MYH1: variants seen among roughly 807,000 people sequenced by gnomAD.
MYH1 encodes the protein myosin heavy chain 1, also known as myosin-1.
A neutral mutation model predicts 225.6 loss-of-function variants in MYH1; 214 were observed. The ratio of observed to expected loss-of-function variants is 0.95; its 90% CI spans 0.85 to 1.06. The LOEUF (loss-of-function observed/expected upper bound fraction) is 1.06. Among genes scored for constraint, MYH1 ranks in the 50% least tolerant of loss-of-function variants. The pLI is 0.00. For missense variants in MYH1, 2,098 were observed against 2,344.2 expected (o/e 0.89, Z 2.17); for synonymous variants, 774 against 842.3 (o/e 0.92, Z 1.40).
intron 27 of MYH1, 41 bp from the exon 28 acceptor site, chr17:10,500,793 T>G (rs2073046085): frequency 8.7e-6 from 14 of 1,613,330 alleles, no homozygotes; most frequent in Non-Finnish European, 1.1e-5. Context: ...AAGTAAGTAG[T>G]TGGACCAAAG....
intron 3 of MYH1, 39 bp from the exon 4 acceptor site, chr17:10,516,381 G>A (rs1326409506): frequency 6.2e-7 from 1 of 1,614,110 alleles, no homozygotes. Flanking sequence ...CAAAAAGTAA[G>A]TGCTAACTTA....
intron 38 of MYH1, 23 bp downstream of exon 38, chr17:10,494,545 AC>A: frequency 6.2e-7 from 1 of 1,613,008 alleles, no homozygotes; most frequent in Non-Finnish European, 8.5e-7. Flanking sequence ...TAAAGTGAAA[AC>A]CTAGACAGGC....
chr17:10,512,521 G>T lies in MYH1; in HGVS notation c.1034C>A (p.Thr345Asn). The T allele has an allele frequency of 6.2e-7, 1 of 1,614,104 alleles. No homozygotes were observed. Among genetic ancestry groups the T allele is most frequent in the Non-Finnish European group, 8.5e-7 (1 of 1,179,994 alleles). ...ATAGATGGACACTCTTTCATCTGAA[G>T]TAAAGCCCAGAATTTCAATGGCACT... ...TDSAIEILGF[T>N]SDERVSIYKL... Residue 345 changes from threonine (T) to asparagine (N), a missense_variant, in exon 12 of 40, where the codon ACT becomes AAT. Physicochemically the swap from Thr to Asn is moderately conservative, Grantham distance 65. Transcript: ENST00000226207.
rs2073180729 is a variant in MYH1, at chr17:10,512,470, T to C, written c.1085A>G (p.Tyr362Cys). The C allele has an allele frequency of 6.2e-7, 1 of 1,614,006 alleles. No homozygotes were observed. The highest frequency in any genetic ancestry group is 1.1e-5 in the South Asian group (1 of 91,090). ...CTTTTGCTTGAATTTCATGTTCCCA[T>C]AATGCATCACAGCCCCTGTGAGCTT... ...IYKLTGAVMH[Y>C]GNMKFKQKQR... Residue 362 changes from tyrosine (Y) to cysteine (C), a missense_variant, in exon 12 of 40, where the codon TAT (tyrosine) becomes TGT (cysteine). Coordinates refer to ENST00000226207, the MANE Select transcript of MYH1 (RefSeq NM_005963.4).
In MYH1 at chr17:10,513,947, C is replaced by T. The variant is rs770409819; in HGVS notation, c.649-34G>A. ...GCAAGAGCAGTCCTTGCATCTGGGGCTTGGGAATTTCCTACCTGAGAGTCC... is the reference window on the plus strand; with the variant it reads ...GCAAGAGCAGTCCTTGCATCTGGGGTTTGGGAATTTCCTACCTGAGAGTCC... On this transcript the variant is annotated intron_variant, in intron 7 of 39. Coordinates refer to ENST00000226207, the MANE Select transcript of MYH1 (RefSeq NM_005963.4). The T allele has an allele frequency of 7.4e-5, 120 of 1,613,702 alleles. No homozygotes were observed. The East Asian group carries it at 2.3e-3, about 31-fold the overall frequency.
At chr17:10,495,804 A>AGAATATAGAT (rs2072985885) in intron 35 of MYH1, 146 bp downstream of exon 35, 4 of 791,448 alleles carry the variant, frequency 5.1e-6, no homozygotes, top group Non-Finnish European at 7.5e-6. Context: ...AGTTCAGATA[A>AGAATATAGAT]GAATATAGAT....
intron 25 of MYH1, 38 bp from the exon 26 acceptor site, chr17:10,501,722 TAA>T (rs1418458380): frequency 1.2e-6 from 2 of 1,613,910 alleles, no homozygotes; most frequent in Non-Finnish European, 1.7e-6. Context: ...TCAGAAATAT[TAA>T]GAGTAATTTC....
chr17:10,517,678 T>C (rs1389104417), intron 2 of MYH1, among the ~76,000 whole-genome samples: 1 of 152,106 alleles, frequency 6.6e-6, no homozygotes. Context: ...ATGCTGACAA[T>C]CATGTTTCGT....
At chr17:10,514,760 T>C in intron 6 of MYH1, 108 bp downstream of exon 6, 1 of 945,646 alleles carries the variant, frequency 1.1e-6, no homozygotes. Flanking sequence ...TAGTTCCAGG[T>C]TGATCATTCA....
intron 16 of MYH1, 112 bp from the exon 17 acceptor site, chr17:10,508,068 G>C: frequency 1.1e-6 from 1 of 889,016 alleles, no homozygotes; most frequent in Non-Finnish European, 1.8e-6. Flanking sequence ...GCCCAGGCTG[G>C]AGTGCAGTGG....
At chr17:10,514,249 G>A (rs1597443785) in intron 6 of MYH1, 125 bp from the exon 7 acceptor site, 15 of 1,127,588 alleles carry the variant, frequency 1.3e-5, no homozygotes, top group Non-Finnish European at 1.9e-5. Context: ...CCTACATATA[G>A]CTCGTATTAT....
At chr17:10,504,728 G>C in intron 22 of MYH1, 82 bp downstream of exon 22, 2 of 1,458,002 alleles carry the variant, frequency 1.4e-6, no homozygotes, top group Non-Finnish European at 1.9e-6. Flanking sequence ...TCCCTTATTT[G>C]GTAGAATCTA....
Position 10,496,030 on chromosome 17 carries a change from C to G in MYH1, c.5089G>C (p.Glu1697Gln). Residue 1697 changes from glutamate (E) to glutamine (Q), a missense_variant, in exon 35 of 40, where the codon GAA becomes CAA. Glu to Gln is a conservative substitution (Grantham distance 29). Transcript: ENST00000226207. ...ATTTTCCTGCTCCTCTCTGTCTGTTCCAGAGTGGCCCGCAGCTCCTCGATC... is the reference window on the plus strand; with the variant it reads ...ATTTTCCTGCTCCTCTCTGTCTGTTGCAGAGTGGCCCGCAGCTCCTCGATC... Reference protein sequence around the residue: ...AEIEELRATLEQTERSRKIAE... With the variant: ...AEIEELRATLQQTERSRKIAE... The G allele has an allele frequency of 6.2e-7, 1 of 1,614,094 alleles. No individual in the cohort carries two copies. Among genetic ancestry groups the G allele is most frequent in the Non-Finnish European group, 8.5e-7 (1 of 1,180,022 alleles).
At position 10,505,030 on chromosome 17, in the gene MYH1, G is replaced by A. The variant is rs2073095635; in HGVS notation, c.2471C>T (p.Ala824Val). The A allele has an allele frequency of 1.9e-6, 3 of 1,614,144 alleles. No homozygotes were observed. Among genetic ancestry groups the A allele is most frequent in the African/African-American group, 1.3e-5 (1 of 75,022 alleles). Residue 824 changes from alanine to valine, a missense_variant, in exon 22 of 40, where the codon GCC (alanine) becomes GTC (valine). By Grantham distance (64) the Ala-to-Val change is moderately conservative. Transcript: ENST00000226207. ...GGGCCAGTGCTTCACATTCATGAAG[G>A]CACGGACATTGTACTGGATGCAGAA... ...SIFCIQYNVR[A>V]FMNVKHWPWM... is the part of the protein sequence containing the mutation.
At chr17:10,493,892 C>T (rs529905876) in intron 39 of MYH1, among the ~76,000 whole-genome samples, 1 of 152,308 alleles carries the variant, frequency 6.6e-6, no homozygotes, top group South Asian at 2.1e-4. Flanking sequence ...GAAAAGCTTC[C>T]TAACATGTCT....
Position 10,494,991 on chromosome 17 carries a change from A to G in MYH1, c.5406T>C (p.Asp1802=). The change falls in exon 37 of 40, where the codon GAT becomes GAC. Residue 1802 remains aspartate (D), a synonymous_variant. Transcript: ENST00000226207. ...CCTTCAGGGCCAGCTGCTCAGCCTC[A>G]TCCAGACGATGCTGCAGGTCCTTCA... is the stretch of plus-strand genomic sequence containing the variant. ...QTVKDLQHRL[D]EAEQLALKGG... 6.2e-7 allele frequency: 1 copy of G among 1,614,200 alleles called. No individual in the cohort carries two copies. Among genetic ancestry groups the G allele is most frequent in the South Asian group, 1.1e-5 (1 of 91,084 alleles).
Position 10,501,358 on chromosome 17 carries a change from G to C in MYH1, c.3490C>G (p.Gln1164Glu), listed in dbSNP as rs541063624. 2.5e-6 allele frequency: 4 copies of C among 1,614,084 alleles called. No homozygotes were observed. ...LEEAGGATSAQIEMNKKREAE... is the reference protein window; with the variant it reads ...LEEAGGATSAEIEMNKKREAE... ...TCCCGCTTCTTGTTCATCTCAATCT[G>C]GGCTGAGGTGGCCCCACCGGCTTCT... The change falls in exon 27 of 40, where the codon CAG (glutamine) becomes GAG (glutamate). Residue 1164 changes from glutamine (Q) to glutamate (E), a missense_variant. By Grantham distance (29) the Gln-to-Glu change is conservative (BLOSUM62 2). Transcript: ENST00000226207.
At chr17:10,509,887 T>C (rs1206006551) in intron 14 of MYH1, among the ~76,000 whole-genome samples, 2 of 152,160 alleles carry the variant, frequency 1.3e-5, no homozygotes, top group South Asian at 4.1e-4. Context: ...AAAAGTTGTT[T>C]GGAGCTGGAG....
At chr17:10,512,989 A>T in intron 9 of MYH1, 24 bp from the exon 10 acceptor site, 1 of 1,518,826 alleles carries the variant, frequency 6.6e-7, no homozygotes, top group Non-Finnish European at 9.1e-7. Context: ...TAGACATCAG[A>T]TTATGGGGAA....
Sources: allele counts gnomAD v4.1 joint callset (sites outside exome capture counted in the v4.1 genomes callset), GRCh38; gene constraint gnomAD v4.1.1; transcripts MANE v1.5; gene names NCBI Gene and HGNC (gene_info 2026-07-23, HGNC 2026-07-21).